OTUD7A: variants seen among roughly 807,000 people sequenced by gnomAD.
OTUD7A encodes the protein OTU domain-containing protein 7A.
Under a neutral mutation model 65.7 loss-of-function variants are expected in OTUD7A, and 12 were observed. That is an observed-to-expected ratio of 0.18 (90% CI 0.12 to 0.30). The LOEUF is 0.30. Among genes scored for constraint, OTUD7A ranks in the 10% least tolerant of loss-of-function variants. The pLI is 1.00. For synonymous variants in OTUD7A, 641 were observed against 586.3 expected, an observed-to-expected ratio of 1.09 and a Z score of -1.35; for missense variants, 1,148 against 1,304.8, an observed-to-expected ratio of 0.88 and a Z score of 1.85.
At chr15:31,775,829 C>A (rs1016486260) in intron 1 of OTUD7A, among the ~76,000 whole-genome samples, 1 of 152,120 alleles carries the variant, frequency 6.6e-6, no homozygotes, top group African/African-American at 2.4e-5. Flanking sequence ...ATCAGCTGAA[C>A]CTGGGGCTGG....
intron 1 of OTUD7A, among the ~76,000 whole-genome samples, chr15:31,778,640 G>A (rs1895453197): frequency 6.6e-6 from 1 of 152,070 alleles, no homozygotes; most frequent in Non-Finnish European, 1.5e-5. Flanking sequence ...TTCGTGGAGT[G>A]CCTGCCTGGG....
chr15:31,753,700 TATTATATATATATATATATATTA>T (rs1406756653), intron 1 of OTUD7A, among the ~76,000 whole-genome samples: 1 of 17,384 alleles, frequency 5.8e-5, no homozygotes, highest in African/African-American at 1.3e-4. Context: ...TATATATATA[TATTATATATATATATATATATTA>T]TATATATATA....
intron 1 of OTUD7A, among the ~76,000 whole-genome samples, chr15:31,796,009 T>C (rs530417084): frequency 2.0e-5 from 3 of 152,028 alleles, no homozygotes; most frequent in East Asian, 1.9e-4. Context: ...CCTCGTTTCA[T>C]AGAAGGCTCA....
intron 1 of OTUD7A, among the ~76,000 whole-genome samples, chr15:31,795,878 G>A (rs1428664028): frequency 6.6e-6 from 1 of 152,186 alleles, no homozygotes; most frequent in African/African-American, 2.4e-5. Flanking sequence ...GCACAGGAAT[G>A]TAGTCACACA....
At chr15:31,854,873 A>G (rs1188515387) in intron 1 of OTUD7A, among the ~76,000 whole-genome samples, 1 of 152,146 alleles carries the variant, frequency 6.6e-6, no homozygotes, top group Non-Finnish European at 1.5e-5. Context: ...AGAGAATCAG[A>G]GCATGGAAAA....
At chr15:31,754,144 T>C (rs1024151792) in intron 1 of OTUD7A, among the ~76,000 whole-genome samples, 6 of 152,220 alleles carry the variant, frequency 3.9e-5, no homozygotes, top group Non-Finnish European at 7.3e-5. Context: ...TTCATATGAT[T>C]GTTGGCCATT....
At chr15:31,485,663 G>C (rs529304281) in intron 12 of OTUD7A, among the ~76,000 whole-genome samples, 1 of 152,190 alleles carries the variant, frequency 6.6e-6, no homozygotes, top group Non-Finnish European at 1.5e-5. Context: ...AATTCTGACC[G>C]AGTGTCATTG....
intron 3 of OTUD7A, among the ~76,000 whole-genome samples, chr15:31,654,042 T>C (rs1166011100): frequency 2.1e-5 from 2 of 97,502 alleles, no homozygotes; most frequent in African/African-American, 8.2e-5. Flanking sequence ...TCATAGTTGA[T>C]AAGTGGCTGA....
chr15:31,629,963 T>G (rs1015310458), intron 3 of OTUD7A, among the ~76,000 whole-genome samples: 1 of 152,058 alleles, frequency 6.6e-6, no homozygotes, highest in Non-Finnish European at 1.5e-5. Flanking sequence ...TTTTATTGTG[T>G]CTATTTGATT....
chr15:31,829,516 G>A (rs904392654), intron 1 of OTUD7A, among the ~76,000 whole-genome samples: 7 of 152,220 alleles, frequency 4.6e-5, no homozygotes, highest in Non-Finnish European at 1.0e-4. Context: ...TAGACATTGG[G>A]TTGTTCCAAT....
At chr15:31,814,684 C>T (rs183055706) in intron 1 of OTUD7A, among the ~76,000 whole-genome samples, 158 of 152,072 alleles carry the variant, frequency 1.0e-3, no homozygotes, top group Non-Finnish European at 1.8e-3. Flanking sequence ...CCACCACACC[C>T]GGCTAACTTT....
intron 3 of OTUD7A, among the ~76,000 whole-genome samples, chr15:31,617,740 G>A (rs1159635992): frequency 1.3e-5 from 2 of 151,998 alleles, no homozygotes; most frequent in African/African-American, 4.8e-5. Flanking sequence ...GATAGTCACA[G>A]TTTGATTTGA....
intron 1 of OTUD7A, among the ~76,000 whole-genome samples, chr15:31,698,343 A>C (rs1246712880): frequency 6.6e-6 from 1 of 152,174 alleles, no homozygotes. Context: ...GACCGGCAAG[A>C]GGGGTCCCAG....
At chr15:31,860,648 T>TATATATATATATATATATA (rs1897701066) in intron 1 of OTUD7A, among the ~76,000 whole-genome samples, 4 of 112,378 alleles carry the variant, frequency 3.6e-5, no homozygotes, top group African/African-American at 1.2e-4. Context: ...TATATATGTA[T>TATATATATATATATATATA]GTATGTGTGT....
At chr15:31,709,090 A>G (rs2654067) in intron 1 of OTUD7A, among the ~76,000 whole-genome samples, 147,648 of 150,920 alleles carry the variant, frequency 0.98, 72,347 homozygotes, top group East Asian at 1. Flanking sequence ...GAGGGAGAGA[A>G]AACACAGGCC....
intron 1 of OTUD7A, among the ~76,000 whole-genome samples, chr15:31,704,889 A>T (rs1450963172): frequency 2.2e-3 from 332 of 151,508 alleles, no homozygotes; most frequent in African/African-American, 7.6e-3. Flanking sequence ...TTTTATGAAA[A>T]TTCTCAGGGT....
At chr15:31,723,403 C>A (rs867583154) in intron 1 of OTUD7A, among the ~76,000 whole-genome samples, 13 of 126,200 alleles carry the variant, frequency 1.0e-4, no homozygotes, top group East Asian at 2.4e-4. Flanking sequence ...CACCCCCCCC[C>A]CCCCGCCCCC....
At chr15:31,618,952 T>C (rs1270081765) in intron 3 of OTUD7A, among the ~76,000 whole-genome samples, 1 of 152,230 alleles carries the variant, frequency 6.6e-6, no homozygotes, top group Non-Finnish European at 1.5e-5. Context: ...AATTTTTGTA[T>C]AAGGTGTAAG....
At chr15:31,505,746 TA>T (rs1353530184) in intron 8 of OTUD7A, among the ~76,000 whole-genome samples, 82 of 74,182 alleles carry the variant, frequency 1.1e-3, no homozygotes, top group Non-Finnish European at 1.9e-3. Flanking sequence ...GAATTGAAGT[TA>T]ATTTTTTTTT....
Sources: allele counts gnomAD v4.1 joint callset (sites outside exome capture counted in the v4.1 genomes callset), GRCh38; gene constraint gnomAD v4.1.1; transcripts MANE v1.5; gene names NCBI Gene and HGNC (gene_info 2026-07-23, HGNC 2026-07-21).